The following RNF38 variants were observed in gnomAD, a reference collection of about 807,000 sequenced individuals.
RNF38 encodes the protein ring finger protein 38.
Under a neutral mutation model 67.2 loss-of-function variants are expected in RNF38, and 15 were observed. That is an observed-to-expected ratio of 0.22 (90% CI 0.15 to 0.34). RNF38 has a LOEUF of 0.34. Among genes scored for constraint, RNF38 ranks in the 10% least tolerant of loss-of-function variants. The pLI is 1.00. For synonymous variants in RNF38, 220 were observed against 218.8 expected (o/e 1.01, Z -0.05); for missense variants, 524 against 639.9 (o/e 0.82, Z 1.95).
chr9:36,344,288 T>C (rs911763684), intron 10 of RNF38, among the ~76,000 whole-genome samples: 2 of 152,226 alleles, frequency 1.3e-5, no homozygotes, highest in Non-Finnish European at 2.9e-5. Context: ...GTGCTGGGAT[T>C]ACATGTGTGA....
intron 1 of RNF38, among the ~76,000 whole-genome samples, chr9:36,465,564 C>T (rs560421908): frequency 5.3e-5 from 8 of 152,186 alleles, no homozygotes; most frequent in African/African-American, 1.2e-4. Flanking sequence ...AGGCTGGTCT[C>T]GAACTCCTGA....
At chr9:36,414,258 G>A (rs1185783035) in intron 2 of RNF38, among the ~76,000 whole-genome samples, 2 of 152,204 alleles carry the variant, frequency 1.3e-5, no homozygotes, top group African/African-American at 2.4e-5. Context: ...GTATTGAGAT[G>A]TTAGCTACTA....
At chr9:36,468,560 T>C (rs10758374) in intron 1 of RNF38, among the ~76,000 whole-genome samples, 119,650 of 152,198 alleles carry the variant, frequency 0.79, 47,235 homozygotes, top group African/African-American at 0.85. Flanking sequence ...GCCTATAATC[T>C]CAGCACTTTG....
At chr9:36,480,271 G>A (rs374685516) in intron 1 of RNF38, among the ~76,000 whole-genome samples, 45 of 152,076 alleles carry the variant, frequency 3.0e-4, no homozygotes, top group African/African-American at 1.1e-3. Context: ...GAGCCACTGC[G>A]ACTGGCCCTG....
intron 1 of RNF38, among the ~76,000 whole-genome samples, chr9:36,436,097 T>C (rs1186190787): frequency 6.6e-6 from 1 of 152,240 alleles, no homozygotes; most frequent in Non-Finnish European, 1.5e-5. Flanking sequence ...GCACTTAATA[T>C]TAAGGATAGA....
intron 2 of RNF38, among the ~76,000 whole-genome samples, chr9:36,413,155 G>C (rs984149013): frequency 6.6e-6 from 1 of 151,630 alleles, no homozygotes; most frequent in Non-Finnish European, 1.5e-5. Context: ...TTTGAACCTG[G>C]GGGGGCAGAA....
chr9:36,385,120 G>A (rs1836505131), intron 2 of RNF38, among the ~76,000 whole-genome samples: 1 of 151,916 alleles, frequency 6.6e-6, no homozygotes, highest in South Asian at 2.1e-4. Flanking sequence ...GGTTAAGTGG[G>A]TGCCTCATGA....
Position 36,483,682 on chromosome 9 carries a change from GT to G in RNF38, n.241+3625del, listed in dbSNP as rs1840333421. Among the ~76,000 whole-genome samples, 3 of 152,282 alleles carry G rather than the reference GT, an allele frequency of 2.0e-5. No homozygotes were observed. In the South Asian group the frequency reaches 6.2e-4, roughly 32 times the overall value. ...TCAGACGGCTGAACCTCAAATGTTG[GT>G]CACAAGCTAAAACAATCACTAGCAT... On this transcript the variant is annotated intron_variant and non_coding_transcript_variant, in intron 1 of 3. Transcript: ENST00000488058.
At chr9:36,341,478 T>C (rs1832824747) in intron 11 of RNF38, among the ~76,000 whole-genome samples, 1 of 152,222 alleles carries the variant, frequency 6.6e-6, no homozygotes, top group African/African-American at 2.4e-5. Flanking sequence ...ATGGAGCCAC[T>C]GCACCCAGCC....
At chr9:36,388,447 A>G (rs1343934433) in intron 2 of RNF38, among the ~76,000 whole-genome samples, 1 of 152,236 alleles carries the variant, frequency 6.6e-6, no homozygotes, top group East Asian at 1.9e-4. Context: ...AAACAAGGAC[A>G]ATGACAGAAC....
chr9:36,393,860 G>C (rs1029997178), intron 1 of RNF38, among the ~76,000 whole-genome samples: 3 of 152,148 alleles, frequency 2.0e-5, no homozygotes, highest in Non-Finnish European at 2.9e-5. Flanking sequence ...GCAGGGGCTT[G>C]AGGGCAGCTT....
intron 1 of RNF38, among the ~76,000 whole-genome samples, chr9:36,485,732 A>AAC (rs1162870928): frequency 6.6e-6 from 1 of 152,188 alleles, no homozygotes; most frequent in Non-Finnish European, 1.5e-5. Context: ...GCAGCAAGAA[A>AAC]ACAGCTGACT....
chr9:36,401,339 T>A, upstream of RNF38: 1 of 432,074 alleles, frequency 2.3e-6, no homozygotes, highest in Non-Finnish European at 2.9e-6. Flanking sequence ...CGCAGGGCCC[T>A]GTTCCAATTC....
chr9:36,479,822 C>A (rs184008215), intron 1 of RNF38, among the ~76,000 whole-genome samples: 121 of 152,196 alleles, frequency 8.0e-4, no homozygotes, highest in Non-Finnish European at 1.5e-3. Flanking sequence ...CCCAGCCGGG[C>A]ATAGTGGCTC....
rs757971586 is a variant in RNF38 at position 36,369,885 on chromosome 9, T to C, written c.404A>G (p.His135Arg). 1.9e-6 allele frequency: 3 copies of C among 1,613,624 alleles called. No individual in the cohort carries two copies. The highest frequency in any genetic ancestry group is 3.3e-5 in the Admixed American group (2 of 60,024). The change falls in exon 4 of 12, where the codon CAT (histidine) becomes CGT (arginine). Residue 135 changes from histidine (H) to arginine (R), a missense_variant. Physicochemically the swap from His to Arg is conservative, Grantham distance 29. Around this residue, in one of 2 missense-constraint regions of RNF38, gnomAD observed 461 missense variants for 517.4 expected, o/e 0.89. Transcript: ENST00000259605. ...GTTTTCATCTTGACTAATGGAATTA[T>C]GTCGAGACAGACGATCCCTTCTTCC... ...QRGRRDRLSR[H>R]NSISQDENYH...
chr9:36,393,515 G>GTGTGTT (rs1837286779), intron 1 of RNF38, among the ~76,000 whole-genome samples: 1 of 145,212 alleles, frequency 6.9e-6, no homozygotes, highest in African/African-American at 2.7e-5. Flanking sequence ...GTGTGTGTGT[G>GTGTGTT]TGTGTGTGGG....
intron 1 of RNF38, among the ~76,000 whole-genome samples, chr9:36,458,529 A>G (rs1839647109): frequency 6.6e-6 from 1 of 152,162 alleles, no homozygotes; most frequent in Admixed American, 6.6e-5. Context: ...AGTCAGCGAG[A>G]CCACAAACCC....
intron 6 of RNF38, 75 bp downstream of exon 6, chr9:36,356,228 C>T: frequency 7.1e-7 from 1 of 1,406,346 alleles, no homozygotes. Flanking sequence ...GGTTATATAC[C>T]TGGCCTAAAC....
intron 3 of RNF38, chr9:36,372,628 G>A: frequency 1.5e-6 from 1 of 661,904 alleles, no homozygotes; most frequent in South Asian, 1.7e-5. Flanking sequence ...AGAATACAGA[G>A]TAAGACACAC....
Sources: allele counts gnomAD v4.1 joint callset (sites outside exome capture counted in the v4.1 genomes callset), GRCh38; gene constraint gnomAD v4.1.1; regional missense constraint gnomAD v4.1.1; transcripts MANE v1.5; gene names NCBI Gene and HGNC (gene_info 2026-07-23, HGNC 2026-07-21).